The following CLIP4 variants were observed in gnomAD, a reference collection of about 807,000 sequenced individuals.
CLIP4 encodes CAP-Gly domain-containing linker protein 4.
Under a neutral mutation model 73.1 loss-of-function variants are expected in CLIP4, and 47 were observed. The ratio of observed to expected loss-of-function variants is 0.64; its 90% CI spans 0.51 to 0.82. The LOEUF is 0.82. Among genes scored for constraint, CLIP4 ranks in the 40% least tolerant of loss-of-function variants. The pLI is 0.00. For synonymous variants in CLIP4, 306 were observed against 295.4 expected (o/e 1.04, Z -0.37); for missense variants, 874 against 852.9 (o/e 1.02, Z -0.31).
intron 8 of CLIP4, among the ~76,000 whole-genome samples, chr2:29,146,604 C>A (rs1666188221): frequency 6.6e-6 from 1 of 152,060 alleles, no homozygotes; most frequent in African/African-American, 2.4e-5. Context: ...ATGAAATATT[C>A]TTTTAGAACA....
At chr2:29,139,293 T>C (rs1240960979) in intron 6 of CLIP4, among the ~76,000 whole-genome samples, 1 of 152,126 alleles carries the variant, frequency 6.6e-6, no homozygotes, top group Non-Finnish European at 1.5e-5. Flanking sequence ...GTTTATGTGG[T>C]GAATCACGTT....
intron 11 of CLIP4, among the ~76,000 whole-genome samples, chr2:29,157,996 G>A (rs1279929403): frequency 6.6e-6 from 1 of 152,094 alleles, no homozygotes; most frequent in Non-Finnish European, 1.5e-5. Flanking sequence ...AATAGTTCTT[G>A]TAGTGAACCA....
intron 2 of CLIP4, among the ~76,000 whole-genome samples, chr2:29,126,662 T>C (rs1664625653): frequency 6.6e-6 from 1 of 152,242 alleles, no homozygotes; most frequent in Non-Finnish European, 1.5e-5. Flanking sequence ...TGGCAGTTTC[T>C]ACCGATGGAC....
Position 29,160,419 on chromosome 2 carries a change from CAG to C in CLIP4, c.1490_1491del (p.Arg497ThrfsTer5). The C allele has an allele frequency of 6.2e-7, 1 of 1,614,152 alleles. No homozygotes were observed. Among genetic ancestry groups the C allele is most frequent in the Non-Finnish European group, 8.5e-7 (1 of 1,180,014 alleles). ...RLGERVLVVG[Q>X]RLGTIRFFGT... ...CGGAGAGAGAGTGTTAGTGGTAGGACAGAGACTGGGCACCATTAGGTTCTTTG... is the reference window on the plus strand; with the variant it reads ...CGGAGAGAGAGTGTTAGTGGTAGGACAGACTGGGCACCATTAGGTTCTTTG... On this transcript the variant is annotated frameshift_variant, in exon 12 of 16. Transcript: ENST00000320081. LOFTEE classifies it high-confidence loss of function.
chr2:29,112,984 G>A (rs1230359949), upstream of CLIP4, among the ~76,000 whole-genome samples: 1 of 152,216 alleles, frequency 6.6e-6, no homozygotes, highest in African/African-American at 2.4e-5. Context: ...ATTCCTGAAT[G>A]CTGCTCTATG....
At position 29,160,297 on chromosome 2, in the gene CLIP4, C is replaced by T. The variant is rs192129879; in HGVS notation, c.1400-36C>T. On this transcript the variant is annotated intron_variant, in intron 11 of 15. Transcript: ENST00000320081. ...TCCCTTTGTTTTTTCTCCTCTTTTC[C>T]TGCCCTGCCCCTGTATCCCTCCCTG... 9 of 1,613,484 alleles carry T rather than the reference C, an allele frequency of 5.6e-6. No homozygotes were observed. In the East Asian group the frequency reaches 1.8e-4, roughly 32 times the overall value.
At chr2:29,158,325 T>C (rs1667068375) in intron 11 of CLIP4, among the ~76,000 whole-genome samples, 1 of 152,124 alleles carries the variant, frequency 6.6e-6, no homozygotes, top group South Asian at 2.1e-4. Context: ...ATTTGCACTT[T>C]TGACATTTAC....
chr2:29,141,286 G>A (rs1255503488), intron 6 of CLIP4, among the ~76,000 whole-genome samples: 2 of 152,128 alleles, frequency 1.3e-5, no homozygotes, highest in African/African-American at 4.8e-5. Context: ...AATGAGAATA[G>A]CATTTATATT....
At chr2:29,154,525 C>A (rs1666792877) in intron 9 of CLIP4, among the ~76,000 whole-genome samples, 1 of 152,102 alleles carries the variant, frequency 6.6e-6, no homozygotes, top group Admixed American at 6.5e-5. Context: ...CACTGCTTGG[C>A]CCCAGAGGCA....
At chr2:29,178,625 C>T (rs1379849233) in intron 15 of CLIP4, among the ~76,000 whole-genome samples, 1 of 152,102 alleles carries the variant, frequency 6.6e-6, no homozygotes, top group Non-Finnish European at 1.5e-5. Flanking sequence ...AAAGACTGTG[C>T]TGTGATACGA....
chr2:29,172,426 T>C (rs1044182959), intron 14 of CLIP4, among the ~76,000 whole-genome samples: 6 of 152,160 alleles, frequency 3.9e-5, no homozygotes, highest in African/African-American at 1.2e-4. Context: ...TAAAGATATT[T>C]TCCCCCTGCA....
intron 15 of CLIP4, among the ~76,000 whole-genome samples, chr2:29,181,248 A>T (rs116441165): frequency 0.032 from 4,845 of 152,312 alleles, 112 homozygotes; most frequent in Middle Eastern, 0.051. Context: ...CATCATAAAG[A>T]TCTTCTTCTT....
intron 2 of CLIP4, among the ~76,000 whole-genome samples, chr2:29,125,549 T>G (rs1268473832): frequency 6.6e-6 from 1 of 151,982 alleles, no homozygotes; most frequent in African/African-American, 2.4e-5. Flanking sequence ...ACTCAGCGAG[T>G]CCAGACTCTT....
chr2:29,098,591 G>GGTTT (rs1465630596), intron 1 of CLIP4, among the ~76,000 whole-genome samples: 1 of 152,044 alleles, frequency 6.6e-6, no homozygotes, highest in Non-Finnish European at 1.5e-5. Flanking sequence ...GAGGTACTAC[G>GGTTT]GTTTGTTTAT....
chr2:29,099,887 T>C (rs1197342329), intron 1 of CLIP4, among the ~76,000 whole-genome samples: 1 of 152,232 alleles, frequency 6.6e-6, no homozygotes, highest in Non-Finnish European at 1.5e-5. Context: ...TTTCCTTATA[T>C]ACATTTTGTA....
chr2:29,180,496 C>T (rs1668583403), intron 15 of CLIP4, among the ~76,000 whole-genome samples: 1 of 152,168 alleles, frequency 6.6e-6, no homozygotes, highest in Middle Eastern at 3.4e-3. Flanking sequence ...CTCAGACCCT[C>T]GTTAGTGTTA....
At chr2:29,174,266 A>C in intron 14 of CLIP4, 107 bp from the exon 15 acceptor site, 1 of 1,000,420 alleles carries the variant, frequency 1.0e-6, no homozygotes, top group Non-Finnish European at 1.5e-6. Flanking sequence ...TTTTGAAAGA[A>C]ACATTTAATA....
chr2:29,108,221 C>T (rs1408522710), intron 1 of CLIP4, among the ~76,000 whole-genome samples: 1 of 152,144 alleles, frequency 6.6e-6, no homozygotes, highest in African/African-American at 2.4e-5. Flanking sequence ...TTAATAATAA[C>T]AACTAATGAT....
intron 1 of CLIP4, among the ~76,000 whole-genome samples, chr2:29,103,847 G>A (rs944427351): frequency 3.9e-5 from 6 of 152,050 alleles, no homozygotes; most frequent in Non-Finnish European, 7.4e-5. Context: ...CAGAGTAGCT[G>A]AGATTACAGG....
Sources: allele counts gnomAD v4.1 joint callset (sites outside exome capture counted in the v4.1 genomes callset), GRCh38; gene constraint gnomAD v4.1.1; transcripts MANE v1.5; gene names NCBI Gene and HGNC (gene_info 2026-07-23, HGNC 2026-07-21).